The following FBXL13 variants were observed in gnomAD, a reference collection of about 807,000 sequenced individuals.
FBXL13 encodes the protein F-box and leucine-rich repeat protein 13.
Under a neutral mutation model 83.6 loss-of-function variants are expected in FBXL13, and 67 were observed. That is an observed-to-expected ratio of 0.80 (90% CI 0.66 to 0.98). The LOEUF is 0.98. Among genes scored for constraint, FBXL13 ranks in the 50% least tolerant of loss-of-function variants. The pLI is 0.00. For missense variants in FBXL13, 822 were observed against 866.5 expected (o/e 0.95, Z 0.64); for synonymous variants, 272 against 299.5 (o/e 0.91, Z 0.95).
At chr7:102,915,783 TTAAG>T (rs1484550646) in intron 10 of FBXL13, among the ~76,000 whole-genome samples, 4 of 152,320 alleles carry the variant, frequency 2.6e-5, no homozygotes, top group East Asian at 1.9e-4. Context: ...TATTAACATA[TTAAG>T]TAAGATTTTG....
chr7:102,913,296 A>T lies in FBXL13; in HGVS notation c.879-81T>A. 5.1e-6 allele frequency: 8 copies of T among 1,556,654 alleles called. No individual in the cohort carries two copies. The South Asian group carries it at 9.4e-5, about 18-fold the overall frequency. On this transcript the variant is annotated intron_variant, in intron 10 of 19. Coordinates refer to ENST00000313221, the Ensembl canonical transcript of FBXL13. ...CTTTCTTAAGCCACTATGACAAAGA[A>T]AACTGTAAATTCAACTCTTCTTCTT...
intron 11 of FBXL13, among the ~76,000 whole-genome samples, chr7:102,894,756 G>A (rs1472513401): frequency 6.6e-6 from 1 of 151,158 alleles, no homozygotes; most frequent in African/African-American, 2.4e-5. Flanking sequence ...GAGAGAGAGA[G>A]AGAGAAAATA....
At chr7:103,046,743 G>C (rs575750542) in intron 2 of FBXL13, 1 of 152,112 alleles carries the variant, frequency 6.6e-6, no homozygotes, top group Admixed American at 6.5e-5. Flanking sequence ...CTGTGATCTC[G>C]GGAAAAGCTG....
chr7:103,034,606 G>T (rs1183071969), intron 2 of FBXL13, among the ~76,000 whole-genome samples: 1 of 152,244 alleles, frequency 6.6e-6, no homozygotes, highest in African/African-American at 2.4e-5. Flanking sequence ...CTCGCAAGCT[G>T]AGGGAGCCGG....
At chr7:102,955,165 A>G (rs1824052762) in intron 8 of FBXL13, among the ~76,000 whole-genome samples, 1 of 152,224 alleles carries the variant, frequency 6.6e-6, no homozygotes, top group Non-Finnish European at 1.5e-5. Context: ...CAGCAAATGT[A>G]AAACAACAGA....
chr7:103,011,489 A>T (rs1465980116), intron 6 of FBXL13, among the ~76,000 whole-genome samples: 5 of 152,070 alleles, frequency 3.3e-5, no homozygotes, highest in Non-Finnish European at 5.9e-5. Flanking sequence ...TACAAAAAAA[A>T]TTAGCCAGGT....
rs144558493 is a variant in FBXL13 at position 102,924,021 on chromosome 7, T to C, written c.878+2253A>G. 3.7e-3 allele frequency among the ~76,000 whole-genome samples: 566 copies of C among 151,994 alleles called. 5 individuals are homozygous for C. Among genetic ancestry groups the C allele is most frequent in the African/African-American group, 0.013 (559 of 41,490 alleles). On this transcript the variant is annotated intron_variant, in intron 10 of 19. Coordinates refer to ENST00000313221, the Ensembl canonical transcript of FBXL13. ...TTGGGAGGCCAAGGAGGGTGGATCA[T>C]CTAAGGTCAGGAGTTTGAGGCCAGC...
intron 1 of FBXL13, among the ~76,000 whole-genome samples, chr7:103,063,390 G>A (rs1798104871): frequency 6.6e-6 from 1 of 152,182 alleles, no homozygotes; most frequent in Non-Finnish European, 1.5e-5. Flanking sequence ...GTATAGAAGA[G>A]GATGTGTATA....
At chr7:103,004,529 A>G (rs1324525825) in intron 6 of FBXL13, among the ~76,000 whole-genome samples, 1 of 152,138 alleles carries the variant, frequency 6.6e-6, no homozygotes, top group Non-Finnish European at 1.5e-5. Flanking sequence ...TTTGTCTCTA[A>G]CTGCTCTCAG....
chr7:102,918,773 CAA>C (rs1190762784), intron 10 of FBXL13, among the ~76,000 whole-genome samples: 1 of 151,906 alleles, frequency 6.6e-6, no homozygotes, highest in Non-Finnish European at 1.5e-5. Context: ...ATAAACAAAA[CAA>C]AACAAAAAAA....
intron 18 of FBXL13, among the ~76,000 whole-genome samples, chr7:102,825,721 T>A (rs1311695894): frequency 6.6e-6 from 1 of 152,164 alleles, no homozygotes; most frequent in Non-Finnish European, 1.5e-5. Flanking sequence ...CATAAAAAAA[T>A]GTGCAATTTG....
At chr7:102,992,309 C>G (rs1829658673) in intron 6 of FBXL13, among the ~76,000 whole-genome samples, 1 of 152,202 alleles carries the variant, frequency 6.6e-6, no homozygotes, top group Admixed American at 6.5e-5. Flanking sequence ...CCAAACACAT[C>G]TTGTTACTGT....
In FBXL13 at chr7:102,973,293, C is replaced by T. The variant is rs534024652; in HGVS notation, c.496-5176G>A. The T allele has an allele frequency of 2.8e-5, 14 of 505,894 alleles. 1 individual carries two copies. Among genetic ancestry groups the T allele is most frequent in the African/African-American group, 1.6e-4 (8 of 51,478 alleles). 31.3% of individuals were successfully genotyped at this position (505,894 alleles called of 1,614,324 possible). ...GGCCCAGTCCCAAGGCACAAGGCCA[C>T]TTGTACCAGCAGCGTGAGTCAGCAA... On this transcript the variant is annotated intron_variant, in intron 6 of 19. Coordinates refer to ENST00000313221, the Ensembl canonical transcript of FBXL13.
chr7:103,048,398 C>CTT (rs34942143), intron 2 of FBXL13, among the ~76,000 whole-genome samples: 169 of 143,770 alleles, frequency 1.2e-3, no homozygotes, highest in Non-Finnish European at 2.1e-3. Flanking sequence ...TCTTTCCTTT[C>CTT]TTTTTTTTTT....
chr7:102,946,958 G>C (rs958868768), intron 8 of FBXL13, among the ~76,000 whole-genome samples: 1 of 152,118 alleles, frequency 6.6e-6, no homozygotes, highest in South Asian at 2.1e-4. Flanking sequence ...TTACAGGCAT[G>C]AGCCACTGAG....
At chr7:102,870,925 T>G (rs1808439651) in intron 16 of FBXL13, among the ~76,000 whole-genome samples, 1 of 151,920 alleles carries the variant, frequency 6.6e-6, no homozygotes, top group African/African-American at 2.4e-5. Flanking sequence ...CTAAAAAAAT[T>G]TTTCTTTCTT....
intron 6 of FBXL13, among the ~76,000 whole-genome samples, chr7:102,969,104 T>G (rs62484951): frequency 0.075 from 11,451 of 152,258 alleles, 621 homozygotes; most frequent in Non-Finnish European, 0.11. Flanking sequence ...TACAGTAATA[T>G]CCTAGGCCTT....
chr7:102,899,383 T>C (rs1812685493), intron 11 of FBXL13, among the ~76,000 whole-genome samples: 1 of 152,190 alleles, frequency 6.6e-6, no homozygotes, highest in Admixed American at 6.5e-5. Flanking sequence ...ACATATCATC[T>C]CTCTTCAAAC....
At chr7:102,899,116 T>C (rs950144246) in intron 11 of FBXL13, among the ~76,000 whole-genome samples, 8 of 152,112 alleles carry the variant, frequency 5.3e-5, no homozygotes, top group African/African-American at 1.4e-4. Context: ...GGTTTCACCA[T>C]TTTGGCCAGG....
Sources: gnomAD v4.1 joint callset for allele counts (sites outside exome capture counted in the v4.1 genomes callset) on GRCh38, gnomAD v4.1.1 for gene constraint, MANE v1.5 for transcripts, NCBI Gene and HGNC (gene_info 2026-07-23, HGNC 2026-07-21) for gene names.